The following TMPRSS15 variants were observed in gnomAD, a reference collection of about 807,000 sequenced individuals.
TMPRSS15 encodes the protein enteropeptidase.
Under a neutral mutation model 125.3 loss-of-function variants are expected in TMPRSS15, and 128 were observed. The ratio of observed to expected loss-of-function variants is 1.02; its 90% CI spans 0.89 to 1.18. The LOEUF (loss-of-function observed/expected upper bound fraction) is 1.18, where lower values mean the gene tolerates loss of function less well. Among genes scored for constraint, TMPRSS15 ranks in the 50% most tolerant of loss-of-function variants. The probability of loss-of-function intolerance (pLI) is 0.00; values close to 1 mark genes in which losing one functional copy is unlikely to be tolerated. For missense variants in TMPRSS15, 1,283 were observed against 1,212.7 expected (o/e 1.06, Z -0.86); for synonymous variants, 446 against 423.2 (o/e 1.05, Z -0.66).
At chr21:18,286,108 C>T (rs907222402) in intron 21 of TMPRSS15, among the ~76,000 whole-genome samples, 1 of 152,156 alleles carries the variant, frequency 6.6e-6, no homozygotes, top group African/African-American at 2.4e-5. Context: ...CATCTTTGAA[C>T]TCTTTTCCTC....
chr21:18,313,170 G>T, intron 17 of TMPRSS15, 93 bp from the exon 18 acceptor site: 1 of 840,844 alleles, frequency 1.2e-6, no homozygotes, highest in Non-Finnish European at 2.0e-6. Flanking sequence ...GCTTCATTTA[G>T]ACAGGAGGAA....
chr21:18,380,555 G>A (rs1053796184), intron 4 of TMPRSS15: 1 of 470,226 alleles, frequency 2.1e-6, no homozygotes, highest in South Asian at 1.6e-5. Flanking sequence ...GTTGTTGCAG[G>A]GCTTACTGTA....
chr21:18,475,516 C>T (rs569699124), intron 1 of TMPRSS15, among the ~76,000 whole-genome samples: 1 of 152,248 alleles, frequency 6.6e-6, no homozygotes, highest in East Asian at 1.9e-4. Context: ...CACTTGAACC[C>T]AGGTGGTTGA....
chr21:18,401,733 A>G (rs2076096307), intron 1 of TMPRSS15, among the ~76,000 whole-genome samples: 1 of 152,184 alleles, frequency 6.6e-6, no homozygotes, highest in Non-Finnish European at 1.5e-5. Context: ...AATCTAAAAT[A>G]ATAGTTTAAA....
At chr21:18,341,680 C>T (rs559922275) in intron 12 of TMPRSS15, 132 bp from the exon 13 acceptor site, 67 of 977,938 alleles carry the variant, frequency 6.9e-5, no homozygotes, top group Middle Eastern at 3.1e-4. Flanking sequence ...ATATGGTGAC[C>T]GTTACTACAT....
chr21:18,338,740 A>G (rs10645650), intron 13 of TMPRSS15, among the ~76,000 whole-genome samples: 28,585 of 151,184 alleles, frequency 0.19, 3,097 homozygotes, highest in Non-Finnish European at 0.24. Flanking sequence ...AAGAGAGAGA[A>G]AGAGAGAGAG....
At chr21:18,366,947 A>G (rs988024032) in intron 6 of TMPRSS15, among the ~76,000 whole-genome samples, 8 of 152,156 alleles carry the variant, frequency 5.3e-5, no homozygotes, top group African/African-American at 1.9e-4. Context: ...ATGTATATAA[A>G]ATAAATACAT....
At chr21:18,318,186 A>G (rs1211847261) in intron 16 of TMPRSS15, among the ~76,000 whole-genome samples, 1 of 152,196 alleles carries the variant, frequency 6.6e-6, no homozygotes, top group East Asian at 1.9e-4. Flanking sequence ...CTGGCAGGGA[A>G]GCCCGGCTCT....
intron 1 of TMPRSS15, among the ~76,000 whole-genome samples, chr21:18,432,711 G>A (rs2123214386): frequency 6.6e-6 from 1 of 152,252 alleles, no homozygotes; most frequent in Non-Finnish European, 1.5e-5. Flanking sequence ...CCACAGCCCG[G>A]CCCACGTAGA....
chr21:18,485,686 T>G (rs1979065768), intron 1 of TMPRSS15: 1 of 153,642 alleles, frequency 6.5e-6, no homozygotes, highest in African/African-American at 2.4e-5. Flanking sequence ...ACAAGCCATA[T>G]TTTGTCATAA....
At chr21:18,411,900 A>G (rs1404632512) in intron 1 of TMPRSS15, among the ~76,000 whole-genome samples, 1 of 152,196 alleles carries the variant, frequency 6.6e-6, no homozygotes, top group East Asian at 1.9e-4. Flanking sequence ...GCAGTATTCA[A>G]AAATAGACCT....
intron 24 of TMPRSS15, 104 bp from the exon 25 acceptor site, chr21:18,270,228 A>T (rs1292384035): frequency 2.9e-6 from 3 of 1,036,216 alleles, no homozygotes; most frequent in African/African-American, 1.6e-5. Flanking sequence ...ATTAATTAAA[A>T]AATATGATTT....
At chr21:18,296,614 G>T (rs578027731) in intron 19 of TMPRSS15, among the ~76,000 whole-genome samples, 4 of 152,214 alleles carry the variant, frequency 2.6e-5, no homozygotes, top group African/African-American at 9.6e-5. Context: ...TAACATAAAT[G>T]ATTTTAAATA....
chr21:18,336,107 TC>T (rs1003293231), intron 13 of TMPRSS15, among the ~76,000 whole-genome samples: 2 of 152,150 alleles, frequency 1.3e-5, no homozygotes, highest in African/African-American at 4.8e-5. Flanking sequence ...CATTTTTTAC[TC>T]CATGCTTAAG....
At chr21:18,281,756 A>C (rs1478665349) in intron 21 of TMPRSS15, among the ~76,000 whole-genome samples, 1 of 152,186 alleles carries the variant, frequency 6.6e-6, no homozygotes, top group African/African-American at 2.4e-5. Flanking sequence ...TAATGGAAGG[A>C]AGTTCAGATG....
intron 5 of TMPRSS15, among the ~76,000 whole-genome samples, chr21:18,378,546 A>C (rs1221748669): frequency 1.3e-5 from 2 of 152,094 alleles, no homozygotes; most frequent in Non-Finnish European, 2.9e-5. Flanking sequence ...ATAATTTTAC[A>C]AATGTTTTCC....
intron 21 of TMPRSS15, among the ~76,000 whole-genome samples, chr21:18,293,010 G>T (rs1313591697): frequency 6.6e-6 from 1 of 152,190 alleles, no homozygotes; most frequent in Non-Finnish European, 1.5e-5. Flanking sequence ...ATGGGATGGT[G>T]CTGTCGGTAG....
intron 16 of TMPRSS15, among the ~76,000 whole-genome samples, chr21:18,317,974 C>T (rs2075190787): frequency 6.6e-6 from 1 of 151,294 alleles, no homozygotes; most frequent in South Asian, 2.1e-4. Context: ...CAAATAAATT[C>T]ATTTCACTAC....
chr21:18,306,538 G>A (rs996294447), intron 18 of TMPRSS15, among the ~76,000 whole-genome samples: 1 of 152,032 alleles, frequency 6.6e-6, no homozygotes, highest in Non-Finnish European at 1.5e-5. Context: ...AAGTATCTTG[G>A]ACAGGACTAA....
Sources: allele counts gnomAD v4.1 joint callset (sites outside exome capture counted in the v4.1 genomes callset), GRCh38; gene constraint gnomAD v4.1.1; transcripts MANE v1.5; gene names NCBI Gene and HGNC (gene_info 2026-07-23, HGNC 2026-07-21).